Variants in KIRREL3 observed in about 807,000 individuals in gnomAD.
The protein encoded by KIRREL3 is kirre like nephrin family adhesion molecule 3, also known as kin of IRRE-like protein 3.
In KIRREL3, 36 loss-of-function variants were observed where a neutral mutation model predicts 89.7. The observed-to-expected ratio is 0.40, with a 90% CI of 0.31 to 0.53. KIRREL3 has a LOEUF of 0.53. Ranked by LOEUF, KIRREL3 falls within the 20% of genes least tolerant of loss-of-function variation. The pLI, the probability that KIRREL3 is intolerant of heterozygous loss-of-function variation, is 0.49. For synonymous variants in KIRREL3, 445 were observed against 441.4 expected, an observed-to-expected ratio of 1.01 and a Z score of -0.10; for missense variants, 864 against 1,056.6, an observed-to-expected ratio of 0.82 and a Z score of 2.53.
At chr11:126,446,092 A>G (rs559636640) in intron 9 of KIRREL3, among the ~76,000 whole-genome samples, 131 of 148,328 alleles carry the variant, frequency 8.8e-4, no homozygotes, top group African/African-American at 3.1e-3. Context: ...AGTTTGTGGT[A>G]AGCCAAGATC....
Position 126,653,889 on chromosome 11 carries a change from G to A in KIRREL3, c.56-90977C>T, listed in dbSNP as rs559830075. 1.2e-4 allele frequency among the ~76,000 whole-genome samples: 19 copies of A among 152,186 alleles called. No individual in the cohort carries two copies. Among genetic ancestry groups the A allele is most frequent in the African/African-American group, 3.9e-4 (16 of 41,442 alleles). ...ATAGCCATTTTTAGTTGCACCAAAG[G>A]GGGGAGTTGAAAAATAGACCTTGTA... On this transcript the variant is annotated intron_variant, in intron 1 of 16. Coordinates refer to ENST00000525144, the MANE Select transcript of KIRREL3 (RefSeq NM_032531.4). This position sits in a 1 kb window ranked among gnomAD's most constrained non-coding sequence, Gnocchi z 5.4.
chr11:126,951,802 C>A (rs534696626), intron 1 of KIRREL3, among the ~76,000 whole-genome samples: 2 of 152,318 alleles, frequency 1.3e-5, no homozygotes, highest in South Asian at 4.2e-4. Flanking sequence ...CAGGAGCCAC[C>A]AGTCGCTGGG....
At position 126,835,745 on chromosome 11, in the gene KIRREL3, CT is replaced by C. The variant is rs540771045; in HGVS notation, c.55+164709del. Among the ~76,000 whole-genome samples, 267 of 152,322 alleles carry C rather than the reference CT, an allele frequency of 1.8e-3. 1 individual carries two copies. The highest frequency in any genetic ancestry group is 6.2e-3 in the African/African-American group (258 of 41,572). ...AATATAATCCCCTAAAGAGGTCTGG[CT>C]TTTGCCAGTACCTTTGCTAGTGTCT... is the stretch of plus-strand genomic sequence containing the variant. On this transcript the variant is annotated intron_variant, in intron 1 of 16. Coordinates refer to ENST00000525144, the MANE Select transcript of KIRREL3 (RefSeq NM_032531.4).
At position 126,471,006 on chromosome 11, in the gene KIRREL3, A is replaced by T. The variant is rs11220511; in HGVS notation, c.591+2303T>A. On this transcript the variant is annotated intron_variant, in intron 5 of 16. Coordinates refer to ENST00000525144, the MANE Select transcript of KIRREL3 (RefSeq NM_032531.4). The surrounding 1 kb of genome is among the most constrained non-coding windows in gnomAD (Gnocchi z 5.4). ...GGGGCTGTTTAAAAATGTACCCAGA[A>T]TTTTGTTTTTATTCAGGTAGAGGGA... 0.34 allele frequency among the ~76,000 whole-genome samples: 51,428 copies of T among 152,036 alleles called. 9,314 individuals are homozygous for T. Among genetic ancestry groups the T allele is most frequent in the East Asian group, 0.54 (2,812 of 5,172 alleles).
At chr11:126,577,076 G>C (rs1004672955) in intron 1 of KIRREL3, among the ~76,000 whole-genome samples, 5 of 152,180 alleles carry the variant, frequency 3.3e-5, no homozygotes, top group African/African-American at 1.2e-4. Flanking sequence ...AGTCCACGTG[G>C]AAGGAAGAGA....
At chr11:126,585,777 T>TGG (rs942331312) in intron 1 of KIRREL3, among the ~76,000 whole-genome samples, 1 of 151,984 alleles carries the variant, frequency 6.6e-6, no homozygotes, top group African/African-American at 2.4e-5. Context: ...TGTCACACTC[T>TGG]GGGGGGGCAT....
At chr11:126,457,937 G>A (rs1006071592) in intron 6 of KIRREL3, among the ~76,000 whole-genome samples, 1 of 152,192 alleles carries the variant, frequency 6.6e-6, no homozygotes, top group Admixed American at 6.5e-5. Context: ...GCCTGGCCCT[G>A]CCCAGCTCAG....
At position 126,477,764 on chromosome 11, in the gene KIRREL3, C is replaced by T. The variant is rs1371863991; in HGVS notation, c.434-4298G>A. Among the ~76,000 whole-genome samples, 2 of 152,150 alleles carry T rather than the reference C, an allele frequency of 1.3e-5. No homozygotes were observed. The highest frequency in any genetic ancestry group is 4.8e-5 in the African/African-American group (2 of 41,438). ...GACCTGGCTGGGCTTCCAGGAATTC[C>T]TCGATGCTCCATCAGCCTGGGATGG... On this transcript the variant is annotated intron_variant, in intron 4 of 16. Coordinates refer to ENST00000525144, the MANE Select transcript of KIRREL3 (RefSeq NM_032531.4). This position sits in a 1 kb window ranked among gnomAD's most constrained non-coding sequence, Gnocchi z 4.8.
rs1490293845 is a variant in KIRREL3 at position 126,922,117 on chromosome 11, GTCTGTCTATCTATCTA to G, written c.55+78322_55+78337del. 6.9e-4 allele frequency among the ~76,000 whole-genome samples: 85 copies of G among 122,658 alleles called. 1 individual carries two copies. The highest frequency in any genetic ancestry group is 2.1e-3 in the African/African-American group (69 of 33,624). The allele number at this position is 122,658 out of a possible 152,430, so 80.5% of individuals were successfully genotyped here. On this transcript the variant is annotated intron_variant, in intron 1 of 16. Coordinates refer to ENST00000525144, the MANE Select transcript of KIRREL3 (RefSeq NM_032531.4). Reference sequence around the variant, plus strand: ...TATCTATCTATCGATCTATCTATCTGTCTGTCTATCTATCTATCTATCTATCTATCTATCTATCTAT... The same window carrying G: ...TATCTATCTATCGATCTATCTATCTGTCTATCTATCTATCTATCTATCTAT...
chr11:126,765,641 C>G (rs776057210), intron 1 of KIRREL3, among the ~76,000 whole-genome samples: 6 of 152,188 alleles, frequency 3.9e-5, no homozygotes, highest in Non-Finnish European at 8.8e-5. Flanking sequence ...CTATAATTTT[C>G]TTCACTGTCT....
intron 11 of KIRREL3, among the ~76,000 whole-genome samples, chr11:126,438,206 G>A (rs758838495): frequency 1.8e-4 from 27 of 152,224 alleles, no homozygotes; most frequent in Non-Finnish European, 3.1e-4. Context: ...GCGTCTACCT[G>A]TGTGATGTTG....
At chr11:126,958,755 C>T (rs1425031739) in intron 1 of KIRREL3, among the ~76,000 whole-genome samples, 3 of 152,156 alleles carry the variant, frequency 2.0e-5, no homozygotes, top group African/African-American at 7.2e-5. Context: ...GGGATATTTC[C>T]TATAAATTAG....
At chr11:126,923,180 TCTTCTTC>T (rs1476729173) in intron 1 of KIRREL3, among the ~76,000 whole-genome samples, 404 of 29,568 alleles carry the variant, frequency 0.014, 105 homozygotes, top group East Asian at 0.041. Flanking sequence ...CTTCTTCTCT[TCTTCTTC>T]TCTTCTTCTT....
At chr11:126,950,876 T>C (rs958864921) in intron 1 of KIRREL3, among the ~76,000 whole-genome samples, 3 of 152,166 alleles carry the variant, frequency 2.0e-5, no homozygotes, top group Admixed American at 2.0e-4. Context: ...AGATTAATCC[T>C]CCCAAATAAA....
intron 1 of KIRREL3, among the ~76,000 whole-genome samples, chr11:126,688,020 G>A (rs1187398902): frequency 6.6e-6 from 1 of 152,210 alleles, no homozygotes; most frequent in African/African-American, 2.4e-5. Context: ...AATGTCAAGG[G>A]GAAGAAGATG....
At chr11:126,631,437 G>A (rs60773222) in intron 1 of KIRREL3, among the ~76,000 whole-genome samples, 3,360 of 152,286 alleles carry the variant, frequency 0.022, 124 homozygotes, top group African/African-American at 0.076. Context: ...TTGTTCATAT[G>A]CAGAATCGGA....
chr11:126,827,751 A>C (rs4937192), intron 1 of KIRREL3, among the ~76,000 whole-genome samples: 131,374 of 152,172 alleles, frequency 0.86, 57,063 homozygotes, highest in East Asian at 1. Flanking sequence ...CTTGCACCTG[A>C]GTAAGTGAAA....
chr11:126,885,748 G>T (rs111606662), intron 1 of KIRREL3, among the ~76,000 whole-genome samples: 1 of 152,144 alleles, frequency 6.6e-6, no homozygotes, highest in Non-Finnish European at 1.5e-5. Context: ...GCTGGCTCCC[G>T]AGCTACCTTA....
At position 126,898,541 on chromosome 11, in the gene KIRREL3, C is replaced by A. The variant is rs910651523; in HGVS notation, c.55+101914G>T. Among the ~76,000 whole-genome samples, 5 of 152,102 alleles carry A rather than the reference C, an allele frequency of 3.3e-5. No homozygotes were observed. Among genetic ancestry groups the A allele is most frequent in the Non-Finnish European group, 7.4e-5 (5 of 68,010 alleles). On this transcript the variant is annotated intron_variant, in intron 1 of 16. Coordinates refer to ENST00000525144, the MANE Select transcript of KIRREL3 (RefSeq NM_032531.4). The surrounding 1 kb of genome is among the most constrained non-coding windows in gnomAD (Gnocchi z 4.9). ...AACAATGAAGTGGGCAGATACCTAA[C>A]AATACGAACAATTCCTAAAAGCAGC...
Sources: allele counts gnomAD v4.1 joint callset (sites outside exome capture counted in the v4.1 genomes callset), GRCh38; gene constraint gnomAD v4.1.1; non-coding constraint Gnocchi (gnomAD v3.1); transcripts MANE v1.5; gene names NCBI Gene and HGNC (gene_info 2026-07-23, HGNC 2026-07-21).